IL1RAPL2: variants seen among roughly 807,000 people sequenced by gnomAD.
The protein encoded by IL1RAPL2 is interleukin 1 receptor accessory protein like 2, also known as X-linked interleukin-1 receptor accessory protein-like 2.
A neutral mutation model predicts 44.1 loss-of-function variants in IL1RAPL2; 3 were observed. The ratio of observed to expected loss-of-function variants is 0.07; its 90% CI spans 0.03 to 0.18. The LOEUF is 0.18. Among genes scored for constraint, IL1RAPL2 ranks in the 10% least tolerant of loss-of-function variants. The probability of loss-of-function intolerance (pLI) is 1.00; values close to 1 mark genes in which losing one functional copy is unlikely to be tolerated. For synonymous variants in IL1RAPL2, 181 were observed against 178.8 expected (o/e 1.01, Z -0.10); for missense variants, 391 against 496.4 (o/e 0.79, Z 2.02).
intron 2 of IL1RAPL2, among the ~76,000 whole-genome samples, chrX:105,037,298 T>C (rs1162128779): frequency 3.6e-5 from 4 of 111,254 alleles, no homozygotes; most frequent in Non-Finnish European, 7.5e-5. Flanking sequence ...TGAAAGTGAT[T>C]TTTTTGGGAA....
chrX:105,403,105 A>T (rs79570621), intron 5 of IL1RAPL2, among the ~76,000 whole-genome samples: 1 of 111,673 alleles, frequency 9.0e-6, no homozygotes. Flanking sequence ...TTTCCTTCCC[A>T]TGATTTGTTG....
At chrX:105,476,816 A>G (rs920995749) in intron 5 of IL1RAPL2, among the ~76,000 whole-genome samples, 5 of 112,131 alleles carry the variant, frequency 4.5e-5, no homozygotes, top group African/African-American at 1.3e-4. Context: ...AGATTCACTC[A>G]TAGTAATGCT....
rs776683605 is a variant in IL1RAPL2, at chrX:105,636,549, A to C, written c.773-80818A>C. On this transcript the variant is annotated intron_variant, in intron 6 of 10. Transcript: ENST00000372582. ...CCCACCCCAGGTGACCCTTAGATAC[A>C]GACAGATGTTAGTGTGAAACTGTCA... is the stretch of plus-strand genomic sequence containing the variant. Among the ~76,000 whole-genome samples the C allele has an allele frequency of 1.1e-4, 12 of 111,603 alleles. No individual in the cohort carries two copies. The East Asian group carries it at 1.1e-3, about 11-fold the overall frequency.
intron 2 of IL1RAPL2, among the ~76,000 whole-genome samples, chrX:105,007,989 G>A (rs77181811): frequency 7.4e-5 from 1 of 13,513 alleles, no homozygotes; most frequent in South Asian, 3.5e-3. Flanking sequence ...TTACTATTGA[G>A]AAGAGAATTG....
intron 4 of IL1RAPL2, among the ~76,000 whole-genome samples, chrX:105,244,041 C>T (rs964345126): frequency 4.0e-4 from 45 of 111,393 alleles, no homozygotes; most frequent in African/African-American, 1.3e-3. Context: ...CTAGGTGAGA[C>T]TAATTTGGGA....
intron 5 of IL1RAPL2, among the ~76,000 whole-genome samples, chrX:105,449,528 G>C (rs2036002570): frequency 9.2e-6 from 1 of 108,747 alleles, no homozygotes. Flanking sequence ...AGCTTGCAGT[G>C]AGCCGAGATC....
Position 104,585,202 on chromosome X carries a change from T to TTA in IL1RAPL2, c.-20+18158_-20+18159dup, listed in dbSNP as rs1379670145. 1.3e-4 allele frequency among the ~76,000 whole-genome samples: 8 copies of TTA among 60,977 alleles called. 2 individuals are homozygous for TTA. Among genetic ancestry groups the TTA allele is most frequent in the African/African-American group, 7.1e-4 (8 of 11,329 alleles). The allele number at this position is 60,977 out of a possible 115,157, so 53.0% of individuals were successfully genotyped here. On this transcript the variant is annotated intron_variant, in intron 1 of 10. Coordinates refer to ENST00000372582, the MANE Select transcript of IL1RAPL2 (RefSeq NM_017416.2). ...ACACACATACACACATGTATATGTA[T>TTA]TATATATACACATATATGTATATAT...
intron 6 of IL1RAPL2, among the ~76,000 whole-genome samples, chrX:105,600,541 A>G (rs1039938219): frequency 1.8e-5 from 2 of 108,527 alleles, no homozygotes; most frequent in African/African-American, 3.3e-5. Context: ...ATAATGAATA[A>G]TATTTAATGA....
intron 6 of IL1RAPL2, among the ~76,000 whole-genome samples, chrX:105,689,886 C>T (rs892058033): frequency 9.0e-6 from 1 of 111,680 alleles, no homozygotes; most frequent in African/African-American, 3.3e-5. Flanking sequence ...TATTATGCAG[C>T]CATAAAAAGG....
At chrX:105,046,896 T>A (rs1452434311) in intron 2 of IL1RAPL2, among the ~76,000 whole-genome samples, 1 of 106,343 alleles carries the variant, frequency 9.4e-6, no homozygotes, top group Non-Finnish European at 1.9e-5. Flanking sequence ...GGCATTTCTC[T>A]ATCTCCCTTG....
intron 6 of IL1RAPL2, among the ~76,000 whole-genome samples, chrX:105,680,869 A>C (rs2037919071): frequency 8.9e-6 from 1 of 112,108 alleles, no homozygotes; most frequent in East Asian, 2.8e-4. Context: ...TTTAATCAAA[A>C]TTTCACATGA....
chrX:104,938,288 G>A (rs1448518740), intron 2 of IL1RAPL2, among the ~76,000 whole-genome samples: 1 of 112,052 alleles, frequency 8.9e-6, no homozygotes. Flanking sequence ...TGGCAAAGAC[G>A]TTACTGCTTT....
At chrX:104,914,363 A>G (rs1198602984) in intron 2 of IL1RAPL2, among the ~76,000 whole-genome samples, 1 of 111,801 alleles carries the variant, frequency 8.9e-6, no homozygotes, top group Non-Finnish European at 1.9e-5. Flanking sequence ...TTGCATCTCA[A>G]TGTTGTTTCT....
chrX:105,504,454 G>A (rs920894085), intron 6 of IL1RAPL2, among the ~76,000 whole-genome samples: 5 of 111,422 alleles, frequency 4.5e-5, no homozygotes, highest in African/African-American at 1.6e-4. Flanking sequence ...CTCATCATCT[G>A]GACAATTCTG....
chrX:105,392,907 ACTCTT>A (rs1422756046), intron 5 of IL1RAPL2, among the ~76,000 whole-genome samples: 1 of 111,915 alleles, frequency 8.9e-6, no homozygotes, highest in Non-Finnish European at 1.9e-5. Flanking sequence ...TGTTGGCTCT[ACTCTT>A]TAAGTCTATG....
intron 2 of IL1RAPL2, among the ~76,000 whole-genome samples, chrX:104,676,826 T>C (rs1461700541): frequency 9.0e-6 from 1 of 111,588 alleles, no homozygotes; most frequent in Admixed American, 9.5e-5. Context: ...TCTAAACTTC[T>C]CTTCTCTCTT....
chrX:104,661,181 C>A (rs1930393947), intron 2 of IL1RAPL2, among the ~76,000 whole-genome samples: 1 of 111,364 alleles, frequency 9.0e-6, no homozygotes, highest in South Asian at 3.8e-4. Context: ...ATTTCACTTA[C>A]AGTCAAAGTG....
intron 1 of IL1RAPL2, among the ~76,000 whole-genome samples, chrX:104,658,147 A>T (rs768494515): frequency 5.3e-5 from 6 of 112,174 alleles, no homozygotes; most frequent in Non-Finnish European, 3.8e-5. Context: ...AAATCATGCT[A>T]CTATAAAGAC....
intron 5 of IL1RAPL2, among the ~76,000 whole-genome samples, chrX:105,363,289 AATATATATATATATATATAATAT>A (rs1207315551): frequency 2.4e-4 from 18 of 76,208 alleles, no homozygotes; most frequent in Admixed American, 1.1e-3. Context: ...ATATATATAT[AATATATATATATATATATAATAT>A]ATATATATAT....
Sources: allele counts gnomAD v4.1 joint callset (sites outside exome capture counted in the v4.1 genomes callset), GRCh38; gene constraint gnomAD v4.1.1; transcripts MANE v1.5; gene names NCBI Gene and HGNC (gene_info 2026-07-23, HGNC 2026-07-21).